The following GRID1 variants were observed in gnomAD, a reference collection of about 807,000 sequenced individuals.
GRID1 encodes glutamate receptor ionotropic, delta-1.
Under a neutral mutation model 98.0 loss-of-function variants are expected in GRID1, and 28 were observed. That is an observed-to-expected ratio of 0.29 (90% CI 0.21 to 0.39). The LOEUF is 0.39. Among genes scored for constraint, GRID1 ranks in the 10% least tolerant of loss-of-function variants. The pLI is 1.00. For missense variants in GRID1, 1,111 were observed against 1,340.5 expected, an observed-to-expected ratio of 0.83 and a Z score of 2.67; for synonymous variants, 553 against 538.5, an observed-to-expected ratio of 1.03 and a Z score of -0.37.
At chr10:85,957,027 A>G (rs1025517927) in intron 4 of GRID1, among the ~76,000 whole-genome samples, 1 of 152,194 alleles carries the variant, frequency 6.6e-6, no homozygotes, top group African/African-American at 2.4e-5. Flanking sequence ...GGCAGGAGAG[A>G]GAAGTGCTGA....
chr10:85,926,087 T>C (rs547491315), intron 4 of GRID1, among the ~76,000 whole-genome samples: 2 of 152,276 alleles, frequency 1.3e-5, no homozygotes, highest in South Asian at 4.1e-4. Flanking sequence ...GTTCTGGAGA[T>C]ATAAGCTTCT....
chr10:85,649,082 C>G (rs953121528), intron 12 of GRID1, among the ~76,000 whole-genome samples: 3 of 152,218 alleles, frequency 2.0e-5, no homozygotes, highest in African/African-American at 7.2e-5. Flanking sequence ...CAGAGCAGTT[C>G]CTGATGGTAA....
chr10:86,054,103 C>T (rs942096155), intron 4 of GRID1, among the ~76,000 whole-genome samples: 6 of 152,192 alleles, frequency 3.9e-5, no homozygotes, highest in Non-Finnish European at 7.3e-5. Flanking sequence ...ACTCTCATGA[C>T]CCCCTGAAAA....
At chr10:86,130,646 C>T (rs1844821333) in intron 4 of GRID1, among the ~76,000 whole-genome samples, 1 of 152,184 alleles carries the variant, frequency 6.6e-6, no homozygotes, top group African/African-American at 2.4e-5. Context: ...CTTTCCAGCT[C>T]CCCATCCATC....
intron 12 of GRID1, among the ~76,000 whole-genome samples, chr10:85,657,002 T>C (rs772639427): frequency 1.5e-4 from 23 of 152,174 alleles, no homozygotes; most frequent in Non-Finnish European, 2.6e-4. Context: ...AAAGGTCCTA[T>C]GTTATCTGGA....
intron 4 of GRID1, among the ~76,000 whole-genome samples, chr10:86,037,207 G>A (rs185134043): frequency 2.6e-5 from 4 of 152,244 alleles, no homozygotes; most frequent in African/African-American, 9.6e-5. Flanking sequence ...TTCCAGAAAG[G>A]GGAACCAAGG....
intron 12 of GRID1, among the ~76,000 whole-genome samples, chr10:85,666,868 C>T (rs1325945405): frequency 2.0e-5 from 3 of 152,178 alleles, no homozygotes; most frequent in Non-Finnish European, 4.4e-5. Flanking sequence ...CCAGGTCTCG[C>T]ACTAACACCT....
At chr10:85,937,224 A>C (rs1249539925) in intron 4 of GRID1, among the ~76,000 whole-genome samples, 1 of 152,264 alleles carries the variant, frequency 6.6e-6, no homozygotes, top group Non-Finnish European at 1.5e-5. Flanking sequence ...CTTCTAAAGA[A>C]GAGCAAAGAT....
intron 4 of GRID1, among the ~76,000 whole-genome samples, chr10:86,049,964 C>A (rs1391114292): frequency 6.6e-6 from 1 of 152,184 alleles, no homozygotes; most frequent in Non-Finnish European, 1.5e-5. Context: ...TGTTAAACAC[C>A]CACCAGAGAG....
At chr10:86,053,507 C>G (rs1054812637) in intron 4 of GRID1, among the ~76,000 whole-genome samples, 3 of 151,890 alleles carry the variant, frequency 2.0e-5, no homozygotes, top group African/African-American at 7.3e-5. Flanking sequence ...TATAGGCATG[C>G]GCCACCATGC....
At chr10:85,940,571 A>T (rs570991752) in intron 4 of GRID1, among the ~76,000 whole-genome samples, 9 of 152,306 alleles carry the variant, frequency 5.9e-5, no homozygotes, top group Admixed American at 2.0e-4. Flanking sequence ...CTGGAAATAT[A>T]TCTATGGAAT....
At chr10:86,301,096 AG>A in intron 2 of GRID1, among the ~76,000 whole-genome samples, 1 of 152,278 alleles carries the variant, frequency 6.6e-6, no homozygotes, top group African/African-American at 2.4e-5. Context: ...AGGAAGGCTA[AG>A]GGAATAAGTG....
intron 12 of GRID1, chr10:85,648,207 G>C (rs1843222682): frequency 6.6e-6 from 1 of 152,386 alleles, no homozygotes; most frequent in South Asian, 2.1e-4. Context: ...ATTTCACAAG[G>C]AACGGCCATC....
chr10:85,629,654 C>T (rs924134396), intron 13 of GRID1, among the ~76,000 whole-genome samples: 2 of 152,170 alleles, frequency 1.3e-5, no homozygotes, highest in African/African-American at 4.8e-5. Flanking sequence ...GATTTCATAT[C>T]TTTGCTATTG....
chr10:86,190,323 A>T (rs1192156641), intron 3 of GRID1, among the ~76,000 whole-genome samples: 1 of 152,170 alleles, frequency 6.6e-6, no homozygotes, highest in African/African-American at 2.4e-5. Context: ...AGTTGGGAAG[A>T]GGTGGCCCAG....
intron 3 of GRID1, among the ~76,000 whole-genome samples, chr10:86,170,897 TCC>T (rs1845475595): frequency 6.6e-6 from 1 of 152,142 alleles, no homozygotes; most frequent in Non-Finnish European, 1.5e-5. Flanking sequence ...TCACAGGTTC[TCC>T]TCTACACTCA....
At chr10:86,347,899 C>T (rs1848410080) in intron 2 of GRID1, among the ~76,000 whole-genome samples, 1 of 152,178 alleles carries the variant, frequency 6.6e-6, no homozygotes, top group Non-Finnish European at 1.5e-5. Flanking sequence ...CACACGTGGG[C>T]CACAACTTCC....
chr10:85,821,806 C>G (rs962545939), intron 8 of GRID1, among the ~76,000 whole-genome samples: 8 of 152,180 alleles, frequency 5.3e-5, no homozygotes, highest in Non-Finnish European at 8.8e-5. Context: ...GCTACAGTAA[C>G]CAAAACAGCA....
chr10:85,816,802 C>T (rs890195985), intron 8 of GRID1, among the ~76,000 whole-genome samples: 9 of 152,074 alleles, frequency 5.9e-5, no homozygotes, highest in Non-Finnish European at 1.2e-4. Context: ...TTTCATCATC[C>T]AGGTAATAAG....
Sources: allele counts gnomAD v4.1 joint callset (sites outside exome capture counted in the v4.1 genomes callset), GRCh38; gene constraint gnomAD v4.1.1; transcripts MANE v1.5; gene names NCBI Gene and HGNC (gene_info 2026-07-23, HGNC 2026-07-21).